LHFPL3: variants seen among roughly 807,000 people sequenced by gnomAD.
LHFPL3 encodes LHFPL tetraspan subfamily member 3, also known as LHFPL tetraspan subfamily member 3 protein.
LHFPL3 carries 5 observed loss-of-function variants against 19.3 expected under a neutral mutation model. The observed-to-expected ratio is 0.26, with a 90% confidence interval of 0.14 to 0.54. LHFPL3 has a LOEUF of 0.54. Among genes scored for constraint, LHFPL3 ranks in the 20% least tolerant of loss-of-function variants. LHFPL3 has a pLI of 0.94. For missense variants in LHFPL3, 249 were observed against 307.4 expected (o/e 0.81, Z 1.42); for synonymous variants, 133 against 126.2 (o/e 1.05, Z -0.36).
intron 1 of LHFPL3, chr7:104,470,023 T>A (rs558618710): frequency 2.2e-6 from 1 of 456,070 alleles, no homozygotes; most frequent in Non-Finnish European, 4.4e-6. Context: ...GTAATGATGC[T>A]GTGTGAACTT....
intron 1 of LHFPL3, among the ~76,000 whole-genome samples, chr7:104,663,412 A>G (rs768568343): frequency 1.3e-5 from 2 of 152,240 alleles, no homozygotes; most frequent in Non-Finnish European, 2.9e-5. Context: ...GGAGGGATTC[A>G]GCTAAAGATC....
rs58118006 is a variant in LHFPL3, at chr7:104,575,559, T to TAAAAAAAAAA, written c.446-161098_446-161089dup. ...ACAGCTGATAGTGTCCAAAGAGATCTAAAAAAAAAAAAAAAAAAAAAAAAA... is the reference window on the plus strand; with the variant it reads ...ACAGCTGATAGTGTCCAAAGAGATCTAAAAAAAAAAAAAAAAAAAAAAAAAAAAAAAAAAA... On this transcript the variant is annotated intron_variant, in intron 1 of 2. Coordinates refer to ENST00000424859, the MANE Select transcript of LHFPL3 (RefSeq NM_199000.3). Among the ~76,000 whole-genome samples, 186 of 36,106 alleles carry TAAAAAAAAAA rather than the reference T, an allele frequency of 5.2e-3. 5 individuals carry two copies. Among genetic ancestry groups the TAAAAAAAAAA allele is most frequent in the African/African-American group, 7.9e-3 (101 of 12,740 alleles). The allele number at this position is 36,106 out of a possible 152,430, so 23.7% of individuals were successfully genotyped here.
At position 104,329,206 on chromosome 7, in the gene LHFPL3, T is replaced by G; in HGVS notation, c.427T>G (p.Trp143Gly). The G allele has an allele frequency of 6.2e-7, 1 of 1,608,200 alleles. No individual in the cohort carries two copies. The highest frequency in any genetic ancestry group is 8.5e-7 in the Non-Finnish European group (1 of 1,175,454). Residue 143 changes from tryptophan (W) to glycine (G), a missense_variant, in exon 1 of 3, where the codon TGG becomes GGG. By Grantham distance (184) the Trp-to-Gly change is radical. Transcript: ENST00000424859. The stretch of plus-strand genomic sequence containing the variant: ...GGCCACTGTGTACAAGATATGTGCC[T>G]GGATGCAGCTCACCTCCGGTGAGTG... ...NTATVYKICAWMQLTSAACLV... is the reference protein window; with the variant it reads ...NTATVYKICAGMQLTSAACLV...
chr7:104,879,148 G>A (rs2116678287), intron 2 of LHFPL3, among the ~76,000 whole-genome samples: 1 of 152,202 alleles, frequency 6.6e-6, no homozygotes, highest in East Asian at 1.9e-4. Flanking sequence ...TGGCCATGGT[G>A]GCTCACACCT....
chr7:104,373,912 G>A (rs1390112373), intron 1 of LHFPL3, among the ~76,000 whole-genome samples: 1 of 149,580 alleles, frequency 6.7e-6, no homozygotes, highest in Non-Finnish European at 1.5e-5. Context: ...TCAAGATATG[G>A]CAAAAACAAA....
intron 1 of LHFPL3, among the ~76,000 whole-genome samples, chr7:104,627,161 T>G (rs1791560811): frequency 6.6e-6 from 1 of 152,126 alleles, no homozygotes; most frequent in Non-Finnish European, 1.5e-5. Context: ...TAACCACCAT[T>G]CTATTCCCTG....
At chr7:104,842,596 G>A (rs546484836) in intron 2 of LHFPL3, among the ~76,000 whole-genome samples, 7 of 152,240 alleles carry the variant, frequency 4.6e-5, no homozygotes, top group South Asian at 2.1e-4. Context: ...CACAAAAAGC[G>A]TAACTGCCTC....
intron 1 of LHFPL3, among the ~76,000 whole-genome samples, chr7:104,398,964 G>A (rs1282813996): frequency 6.6e-6 from 1 of 152,160 alleles, no homozygotes. Flanking sequence ...GATTTGGAGG[G>A]CAGGGGTTAG....
chr7:104,822,821 T>C (rs1353311095), intron 2 of LHFPL3, among the ~76,000 whole-genome samples: 1 of 151,722 alleles, frequency 6.6e-6, no homozygotes, highest in Non-Finnish European at 1.5e-5. Flanking sequence ...AAAGTAAGGG[T>C]AGAATTTAAA....
intron 2 of LHFPL3, among the ~76,000 whole-genome samples, chr7:104,778,816 G>A (rs541252605): frequency 2.6e-5 from 4 of 152,198 alleles, no homozygotes; most frequent in South Asian, 2.1e-4. Context: ...TCTGTGTTTC[G>A]GCATCCTCTT....
chr7:104,728,771 A>G (rs1382887879), intron 1 of LHFPL3, among the ~76,000 whole-genome samples: 1 of 152,178 alleles, frequency 6.6e-6, no homozygotes, highest in Non-Finnish European at 1.5e-5. Context: ...CATTAGCTCC[A>G]TAATAACATA....
intron 1 of LHFPL3, among the ~76,000 whole-genome samples, chr7:104,372,694 A>C (rs557095459): frequency 6.6e-6 from 1 of 152,300 alleles, no homozygotes; most frequent in African/African-American, 2.4e-5. Context: ...GTATTGTGAG[A>C]TCCAAGTAAG....
intron 1 of LHFPL3, among the ~76,000 whole-genome samples, chr7:104,383,309 G>T (rs1019559735): frequency 6.6e-6 from 1 of 152,162 alleles, no homozygotes; most frequent in Non-Finnish European, 1.5e-5. Context: ...AGGGTCTTGG[G>T]CCACAAGGAC....
chr7:104,897,419 A>G (rs1053741796), intron 2 of LHFPL3, among the ~76,000 whole-genome samples: 1 of 152,224 alleles, frequency 6.6e-6, no homozygotes, highest in Non-Finnish European at 1.5e-5. Context: ...TTTCATTACA[A>G]TAAACACCCA....
chr7:104,440,020 A>G (rs565354950), intron 1 of LHFPL3, among the ~76,000 whole-genome samples: 57 of 125,038 alleles, frequency 4.6e-4, no homozygotes, highest in Admixed American at 8.0e-4. Flanking sequence ...CAAGATTACT[A>G]TATAATACAA....
At chr7:104,415,205 A>G (rs1791597659) in intron 1 of LHFPL3, among the ~76,000 whole-genome samples, 1 of 152,222 alleles carries the variant, frequency 6.6e-6, no homozygotes, top group South Asian at 2.1e-4. Flanking sequence ...TAATTGAAAC[A>G]TTCAATAACA....
chr7:104,634,416 C>T (rs1323212465), intron 1 of LHFPL3, among the ~76,000 whole-genome samples: 1 of 152,132 alleles, frequency 6.6e-6, no homozygotes, highest in Non-Finnish European at 1.5e-5. Flanking sequence ...TGTATTAGGA[C>T]CCCACCCATA....
chr7:104,824,184 A>T (rs868443615), intron 2 of LHFPL3, among the ~76,000 whole-genome samples: 1 of 328 alleles, frequency 3.0e-3, no homozygotes. Context: ...TTATATATAT[A>T]ATATATATTA....
intron 1 of LHFPL3, among the ~76,000 whole-genome samples, chr7:104,730,079 A>AT (rs1562975134): frequency 6.6e-6 from 1 of 152,052 alleles, no homozygotes; most frequent in African/African-American, 2.4e-5. Context: ...TGAACTCATC[A>AT]TTTTTTATGG....
Sources: allele counts gnomAD v4.1 joint callset (sites outside exome capture counted in the v4.1 genomes callset), GRCh38; gene constraint gnomAD v4.1.1; transcripts MANE v1.5; gene names NCBI Gene and HGNC (gene_info 2026-07-23, HGNC 2026-07-21).